The following FAM149B1 variants were observed in gnomAD, a reference collection of about 807,000 sequenced individuals.
FAM149B1 encodes the protein primary cilium assembly protein FAM149B1.
A neutral mutation model predicts 75.3 loss-of-function variants in FAM149B1; 56 were observed. The ratio of observed to expected loss-of-function variants is 0.74; its 90% CI spans 0.60 to 0.93. The LOEUF is 0.93. FAM149B1 is among the 40% of genes least tolerant of loss of function. The pLI, the probability that FAM149B1 is intolerant of heterozygous loss-of-function variation, is 0.00. For synonymous variants in FAM149B1, 259 were observed against 256.1 expected (o/e 1.01, Z -0.11); for missense variants, 639 against 708.4 (o/e 0.90, Z 1.11).
rs2043749000 is a variant in FAM149B1 at position 73,233,136 on chromosome 10, TG to T, written c.1327del (p.Glu443LysfsTer24). 1 of 1,551,500 alleles carries T rather than the reference TG, an allele frequency of 6.4e-7. No individual in the cohort carries two copies. The highest frequency in any genetic ancestry group is 1.2e-5 in the South Asian group (1 of 84,070). ...SHSCAETPRS[V>X]EEILRGARVP... ...TCATGTGCTGAAACACCAAGATCTG[TG>T]GAAGAAATCCTCAGAGGAGCCCGAG... On this transcript the variant is annotated frameshift_variant, in exon 10 of 14. Coordinates refer to ENST00000242505, the MANE Select transcript of FAM149B1 (RefSeq NM_173348.2). LOFTEE classifies it high-confidence loss of function.
rs1431913155 is a variant in FAM149B1, at chr10:73,241,357, C to T, written c.*338C>T. ...GTTCAATCATATAGGATTTGATGAG[C>T]TCACACATACACAAAAAGCAGCAAA... On this transcript the variant is annotated 3_prime_UTR_variant, in exon 14 of 14. Transcript: ENST00000242505. 3.8e-6 allele frequency: 1 copy of T among 260,080 alleles called. No homozygotes were observed. Among genetic ancestry groups the T allele is most frequent in the Non-Finnish European group, 7.5e-6 (1 of 132,584 alleles). The allele number at this position is 260,080 out of a possible 1,614,324, so 16.1% of individuals were successfully genotyped here.
chr10:73,234,014 G>A (rs2043767295), intron 10 of FAM149B1: 3 of 152,164 alleles, frequency 2.0e-5, no homozygotes, highest in Admixed American at 6.5e-5. Context: ...TACACACTCT[G>A]AGCCTCATCA....
chr10:73,226,232 C>T (rs1175827559), intron 7 of FAM149B1, among the ~76,000 whole-genome samples: 1 of 151,944 alleles, frequency 6.6e-6, no homozygotes, highest in African/African-American at 2.4e-5. Context: ...TTGGGCCGGG[C>T]ACAGTGGTTC....
At chr10:73,201,220 C>T (rs893158967) in intron 5 of FAM149B1, 8 of 233,412 alleles carry the variant, frequency 3.4e-5, no homozygotes, top group South Asian at 1.6e-4. Context: ...TGTAGCTGAC[C>T]GTATTTAATT....
intron 7 of FAM149B1, among the ~76,000 whole-genome samples, chr10:73,213,382 T>C (rs770949635): frequency 1.3e-5 from 2 of 152,236 alleles, no homozygotes; most frequent in Non-Finnish European, 2.9e-5. Flanking sequence ...TTTGAAGACT[T>C]GGTCTTAAAT....
At chr10:73,229,106 G>C (rs536603789) in intron 8 of FAM149B1, among the ~76,000 whole-genome samples, 22 of 152,272 alleles carry the variant, frequency 1.4e-4, no homozygotes, top group African/African-American at 5.1e-4. Context: ...CAAAAACAAA[G>C]AGAAAAGCTA....
chr10:73,185,714 C>T (rs1242393532), intron 3 of FAM149B1, among the ~76,000 whole-genome samples: 1 of 152,014 alleles, frequency 6.6e-6, no homozygotes, highest in Non-Finnish European at 1.5e-5. Flanking sequence ...ACCAGTATTA[C>T]ACTGATACCA....
At chr10:73,233,832 T>C (rs913391611) in intron 10 of FAM149B1, among the ~76,000 whole-genome samples, 5 of 152,332 alleles carry the variant, frequency 3.3e-5, no homozygotes, top group African/African-American at 9.6e-5. Flanking sequence ...TCCAAAATAA[T>C]AGTTAATTCC....
intron 7 of FAM149B1, among the ~76,000 whole-genome samples, chr10:73,224,811 G>A (rs1031150248): frequency 2.0e-5 from 3 of 152,128 alleles, no homozygotes; most frequent in Admixed American, 6.5e-5. Context: ...TAACAGGTAT[G>A]GGGTTTCTTT....
At chr10:73,174,846 T>C in intron 2 of FAM149B1, 55 bp downstream of exon 2, 1 of 1,290,670 alleles carries the variant, frequency 7.7e-7, no homozygotes, top group Admixed American at 2.1e-5. Flanking sequence ...GGCAGAGGTT[T>C]TGTTTTTTGG....
chr10:73,239,591 T>A (rs773634045), intron 13 of FAM149B1, among the ~76,000 whole-genome samples: 2 of 152,132 alleles, frequency 1.3e-5, no homozygotes, highest in Non-Finnish European at 2.9e-5. Flanking sequence ...AGCCAAAAAG[T>A]TTCAGATTCC....
chr10:73,171,482 A>G (rs1323264011), intron 1 of FAM149B1, among the ~76,000 whole-genome samples: 3 of 152,178 alleles, frequency 2.0e-5, no homozygotes, highest in Non-Finnish European at 4.4e-5. Context: ...GAAAGGAATG[A>G]TTTTCAACAT....
chr10:73,217,977 T>C (rs2043332943), intron 7 of FAM149B1, among the ~76,000 whole-genome samples: 1 of 152,224 alleles, frequency 6.6e-6, no homozygotes. Flanking sequence ...GGTCCTGGTG[T>C]GGATGATGTT....
At chr10:73,219,284 A>C (rs2043358115) in intron 7 of FAM149B1, among the ~76,000 whole-genome samples, 1 of 152,164 alleles carries the variant, frequency 6.6e-6, no homozygotes, top group Admixed American at 6.6e-5. Flanking sequence ...AAGACATCCC[A>C]TGTTTACGGA....
At chr10:73,199,514 G>T (rs1189056022) in intron 5 of FAM149B1, among the ~76,000 whole-genome samples, 1 of 152,006 alleles carries the variant, frequency 6.6e-6, no homozygotes, top group Non-Finnish European at 1.5e-5. Context: ...ACTGTGCCTG[G>T]CCAATAACTG....
chr10:73,230,837 C>T (rs947902766), intron 9 of FAM149B1: 3 of 199,930 alleles, frequency 1.5e-5, no homozygotes, highest in Non-Finnish European at 2.1e-5. Flanking sequence ...AGGTTTTGAA[C>T]TTGTCCTTGA....
intron 13 of FAM149B1, 107 bp downstream of exon 13, chr10:73,239,491 T>G: frequency 1.2e-6 from 1 of 812,016 alleles, no homozygotes; most frequent in East Asian, 2.8e-5. Context: ...TTTTCTTGGA[T>G]TTAATGTTTT....
At chr10:73,179,201 A>C (rs2042335035) in intron 3 of FAM149B1, among the ~76,000 whole-genome samples, 1 of 151,962 alleles carries the variant, frequency 6.6e-6, no homozygotes, top group Non-Finnish European at 1.5e-5. Flanking sequence ...TTGACCTTGT[A>C]ATCTGCCCGC....
intron 7 of FAM149B1, among the ~76,000 whole-genome samples, chr10:73,213,267 C>T (rs1361520207): frequency 6.6e-6 from 1 of 152,062 alleles, no homozygotes; most frequent in African/African-American, 2.4e-5. Flanking sequence ...ATATTTTTTG[C>T]CATTCTGTAA....
Sources: allele counts gnomAD v4.1 joint callset (sites outside exome capture counted in the v4.1 genomes callset), GRCh38; gene constraint gnomAD v4.1.1; transcripts MANE v1.5; gene names NCBI Gene and HGNC (gene_info 2026-07-23, HGNC 2026-07-21).